Variants in RABGAP1L observed in about 807,000 individuals in gnomAD.
RABGAP1L encodes rab GTPase-activating protein 1-like.
In RABGAP1L, 63 loss-of-function variants were observed where a neutral mutation model predicts 137.7. That is an observed-to-expected ratio of 0.46 (90% CI 0.37 to 0.56). The LOEUF (loss-of-function observed/expected upper bound fraction) is 0.56. Among genes scored for constraint, RABGAP1L ranks in the 20% least tolerant of loss-of-function variants. RABGAP1L has a pLI of 0.00. For missense variants in RABGAP1L, 1,095 were observed against 1,244.0 expected (o/e 0.88, Z 1.80); for synonymous variants, 431 against 433.7 (o/e 0.99, Z 0.08).
intron 18 of RABGAP1L, among the ~76,000 whole-genome samples, chr1:174,764,050 G>A (rs943998515): frequency 6.6e-6 from 1 of 151,930 alleles, no homozygotes; most frequent in East Asian, 1.9e-4. Flanking sequence ...CATATAAATG[G>A]GATCATATGA....
rs367653521 is a variant in RABGAP1L at position 174,555,993 on chromosome 1, C to CTTT, written c.1711-81362_1711-81360dup. 2.6e-3 allele frequency among the ~76,000 whole-genome samples: 300 copies of CTTT among 115,450 alleles called. 3 individuals carry two copies. Among genetic ancestry groups the CTTT allele is most frequent in the African/African-American group, 9.3e-3 (287 of 31,004 alleles). The allele number at this position is 115,450 out of a possible 152,430, so 75.7% of individuals were successfully genotyped here. On this transcript the variant is annotated intron_variant, in intron 13 of 25. Transcript: ENST00000681986. ...AAATATAAAAGCTGAGTTCGTTTGC[C>CTTT]TTTTTTTTTTTTTTTTTTTTTTAAG...
At chr1:174,691,095 T>G (rs1344455775) in intron 15 of RABGAP1L, among the ~76,000 whole-genome samples, 4 of 152,172 alleles carry the variant, frequency 2.6e-5, no homozygotes, top group African/African-American at 9.6e-5. Flanking sequence ...CCCAAAGTGC[T>G]GGGACTGCAG....
intron 5 of RABGAP1L, among the ~76,000 whole-genome samples, chr1:174,243,382 C>T (rs1671989009): frequency 6.6e-6 from 1 of 152,056 alleles, no homozygotes; most frequent in Admixed American, 6.6e-5. Context: ...AAGTTATCTC[C>T]ATCTATTATT....
chr1:174,605,131 AC>A (rs774845846), intron 13 of RABGAP1L, among the ~76,000 whole-genome samples: 11 of 151,480 alleles, frequency 7.3e-5, no homozygotes, highest in Non-Finnish European at 1.3e-4. Context: ...ACAGAGTGAG[AC>A]CCTGTCTCAA....
intron 17 of RABGAP1L, among the ~76,000 whole-genome samples, chr1:174,736,219 G>A (rs173000): frequency 0.14 from 20,603 of 152,208 alleles, 4,678 homozygotes; most frequent in African/African-American, 0.47. Context: ...TACAATGGTG[G>A]TACAGGCACT....
chr1:174,313,931 G>T (rs150839796), intron 11 of RABGAP1L, among the ~76,000 whole-genome samples: 1 of 152,032 alleles, frequency 6.6e-6, no homozygotes, highest in Non-Finnish European at 1.5e-5. Flanking sequence ...TGATTTTTGC[G>T]TGAGTATTTA....
At chr1:174,751,299 G>T (rs10494493) in intron 17 of RABGAP1L, among the ~76,000 whole-genome samples, 13,651 of 152,096 alleles carry the variant, frequency 0.09, 817 homozygotes, top group East Asian at 0.22. Flanking sequence ...AAATATCTGG[G>T]CCTAATCCTT....
At chr1:174,332,002 G>A (rs763570851) in intron 11 of RABGAP1L, among the ~76,000 whole-genome samples, 1 of 152,120 alleles carries the variant, frequency 6.6e-6, no homozygotes, top group Non-Finnish European at 1.5e-5. Context: ...GAGTGCAGTG[G>A]TGCCAAAAAC....
At chr1:174,651,745 C>G (rs534211316) in intron 14 of RABGAP1L, among the ~76,000 whole-genome samples, 2 of 152,222 alleles carry the variant, frequency 1.3e-5, no homozygotes, top group South Asian at 4.1e-4. Context: ...AGGTGAGATG[C>G]GTTTCTTGAA....
At chr1:174,795,662 C>T (rs917881636) in intron 18 of RABGAP1L, among the ~76,000 whole-genome samples, 3 of 152,190 alleles carry the variant, frequency 2.0e-5, no homozygotes, top group Non-Finnish European at 4.4e-5. Context: ...GCTTTCCAGG[C>T]TCAAGTGATC....
intron 13 of RABGAP1L, among the ~76,000 whole-genome samples, chr1:174,470,542 G>A (rs1657797769): frequency 6.6e-6 from 1 of 152,102 alleles, no homozygotes; most frequent in Admixed American, 6.5e-5. Context: ...TGAGACAGGT[G>A]GATCACCTGA....
chr1:174,279,772 T>C (rs1034266466), intron 10 of RABGAP1L, among the ~76,000 whole-genome samples: 1 of 152,156 alleles, frequency 6.6e-6, no homozygotes, highest in African/African-American at 2.4e-5. Context: ...CTCCTGAGCA[T>C]CTTTTAATAT....
chr1:174,967,167 CTTT>C (rs538764662), intron 20 of RABGAP1L, among the ~76,000 whole-genome samples: 9 of 139,698 alleles, frequency 6.4e-5, no homozygotes, highest in Non-Finnish European at 7.8e-5. Context: ...TTCTTTCTTT[CTTT>C]TTTTTTTTTT....
At chr1:174,313,956 C>G (rs1276222460) in intron 11 of RABGAP1L, among the ~76,000 whole-genome samples, 1 of 151,932 alleles carries the variant, frequency 6.6e-6, no homozygotes, top group African/African-American at 2.4e-5. Context: ...AGATATTGGC[C>G]TATACTTTTC....
chr1:174,921,415 C>G (rs373657464), intron 19 of RABGAP1L, among the ~76,000 whole-genome samples: 1 of 152,080 alleles, frequency 6.6e-6, no homozygotes, highest in African/African-American at 2.4e-5. Flanking sequence ...TTTTATAGAC[C>G]TACAAACTTT....
intron 18 of RABGAP1L, among the ~76,000 whole-genome samples, chr1:174,774,580 G>T (rs892911499): frequency 2.6e-5 from 4 of 151,590 alleles, no homozygotes; most frequent in African/African-American, 9.7e-5. Flanking sequence ...GAAAGAGAGT[G>T]CATAAAAGAG....
chr1:174,498,863 C>G (rs1272140916), intron 13 of RABGAP1L, among the ~76,000 whole-genome samples: 2 of 151,384 alleles, frequency 1.3e-5, no homozygotes. Context: ...CTCAAAAAGC[C>G]AAGAATTGAC....
rs1672244875 is a variant in RABGAP1L at position 174,994,329 on chromosome 1, T to C, written c.*4328T>C. On this transcript the variant is annotated 3_prime_UTR_variant, in exon 26 of 26. Coordinates refer to ENST00000681986, the MANE Select transcript of RABGAP1L (RefSeq NM_001366446.1). ...CAGTCAGCTGTCTGGCATTCCTTTC[T>C]CAGTTTGCATCTAAAAGACTACATA... 1 of 152,218 alleles carries C rather than the reference T, an allele frequency of 6.6e-6. No homozygotes were observed. The highest frequency in any genetic ancestry group is 2.1e-4 in the South Asian group (1 of 4,834). The allele number at this position is 152,218 out of a possible 1,614,324, so 9.4% of individuals were successfully genotyped here. A position where few individuals can be genotyped will look rare whatever the true frequency, so the allele number is the denominator to read the frequency against.
At chr1:174,684,832 C>A (rs1186553193) in intron 15 of RABGAP1L, among the ~76,000 whole-genome samples, 4 of 152,138 alleles carry the variant, frequency 2.6e-5, no homozygotes, top group Non-Finnish European at 5.9e-5. Context: ...CAAAAGGTAT[C>A]TGGGTGTGTT....
Sources: allele counts gnomAD v4.1 joint callset (sites outside exome capture counted in the v4.1 genomes callset), GRCh38; gene constraint gnomAD v4.1.1; transcripts MANE v1.5; gene names NCBI Gene and HGNC (gene_info 2026-07-23, HGNC 2026-07-21).